PSMB2: variants seen among roughly 807,000 people sequenced by gnomAD.
PSMB2 encodes the protein proteasome 20S subunit beta 2, also known as proteasome subunit beta type-2.
In PSMB2, 13 loss-of-function variants were observed where a neutral mutation model predicts 25.7. The ratio of observed to expected loss-of-function variants is 0.51; its 90% CI spans 0.33 to 0.80. The LOEUF (loss-of-function observed/expected upper bound fraction) is 0.80, where lower values mean the gene tolerates loss of function less well. Ranked by LOEUF, PSMB2 falls within the 30% of genes least tolerant of loss-of-function variation. PSMB2 has a pLI of 0.02. For synonymous variants in PSMB2, 87 were observed against 96.2 expected, an observed-to-expected ratio of 0.90 and a Z score of 0.56; for missense variants, 202 against 259.0, an observed-to-expected ratio of 0.78 and a Z score of 1.51.
chr1:35,609,658 A>T (rs1348727122), intron 3 of PSMB2, among the ~76,000 whole-genome samples: 1 of 152,258 alleles, frequency 6.6e-6, no homozygotes, highest in Non-Finnish European at 1.5e-5. Flanking sequence ...AAAAGCTGCC[A>T]TCTTCTTAAA....
chr1:35,603,545 T>C (rs544404782), intron 5 of PSMB2, among the ~76,000 whole-genome samples, 171 bp from the exon 6 acceptor site: 1 of 152,122 alleles, frequency 6.6e-6, no homozygotes, highest in East Asian at 1.9e-4. Flanking sequence ...TGGTAGAGGG[T>C]ACCCAAACAG....
Position 35,600,804 on chromosome 1 carries a change from AC to A in PSMB2, c.*2462del. On this transcript the variant is annotated 3_prime_UTR_variant, in exon 6 of 6. Coordinates refer to ENST00000373237, the MANE Select transcript of PSMB2 (RefSeq NM_002794.5). ...GGACACTTACATTCAAAGGCAGAGA[AC>A]CGTATGTCATCCCTGGTGAGGCCTG... is the stretch of plus-strand genomic sequence containing the variant. The A allele has an allele frequency of 1.0e-6, 1 of 985,422 alleles. No homozygotes were observed. The allele number at this position is 985,422 out of a possible 1,614,324, so 61.0% of individuals were successfully genotyped here.
In PSMB2 at chr1:35,609,278, G is replaced by C. The variant is rs1283932579; in HGVS notation, c.416C>G (p.Thr139Ser). The change falls in exon 4 of 6, where the codon ACT (threonine) becomes AGT (serine). Residue 139 changes from threonine to serine, a missense_variant. Thr to Ser is a moderately conservative substitution (Grantham distance 58). Transcript: ENST00000373237. Reference sequence around the variant, plus strand: ...GTAGTATCGGTCGAGGATACTGAGAGTCAGGAAGGCACCATAGCCGTGGGC... The same window carrying C: ...GTAGTATCGGTCGAGGATACTGAGACTCAGGAAGGCACCATAGCCGTGGGC... Reference protein sequence around the residue: ...FAAHGYGAFLTLSILDRYYTP... With the variant: ...FAAHGYGAFLSLSILDRYYTP... 6.2e-7 allele frequency: 1 copy of C among 1,609,540 alleles called. No homozygotes were observed. Among genetic ancestry groups the C allele is most frequent in the East Asian group, 2.2e-5 (1 of 44,546 alleles).
chr1:35,600,128 G>A lies in PSMB2; in HGVS notation c.*3139C>T. ...ACTGTACTCCAGCCTAGGTGATGGA[G>A]CAAGACCCTGTCTCTGAAAAACAAC... On this transcript the variant is annotated 3_prime_UTR_variant, in exon 6 of 6. Transcript: ENST00000373237. The A allele has an allele frequency of 1.1e-6, 1 of 952,324 alleles. No individual in the cohort carries two copies. Among genetic ancestry groups the A allele is most frequent in the Non-Finnish European group, 1.3e-6 (1 of 800,000 alleles). 59.0% of individuals were successfully genotyped at this position (952,324 alleles called of 1,614,324 possible).
intron 3 of PSMB2, among the ~76,000 whole-genome samples, chr1:35,629,301 C>T (rs1651013472): frequency 6.6e-6 from 1 of 152,134 alleles, no homozygotes; most frequent in African/African-American, 2.4e-5. Flanking sequence ...TTTATTTAGT[C>T]CCTGTGGGAA....
rs750989646 is a variant in PSMB2 at position 35,609,231 on chromosome 1, A to C, written c.448+15T>G. 3 of 1,545,766 alleles carry C rather than the reference A, an allele frequency of 1.9e-6. No homozygotes were observed. The highest frequency in any genetic ancestry group is 2.5e-5 in the South Asian group (2 of 80,872). The stretch of plus-strand genomic sequence containing the variant: ...GGCTCTGCCACTGCTCCCTCCCTAG[A>C]GTATTAATACTTACTCGGTGTGTAG... On this transcript the variant is annotated intron_variant, in intron 4 of 5. Transcript: ENST00000373237.
chr1:35,631,348 GTA>G lies in PSMB2; in HGVS notation c.215-6_215-5del. ...GCCGTGGGAGACAATTCATATCCTG[GTA>G]GAAGAGATAAAGAGTCATACTTAAA... On this transcript the variant is annotated splice_region_variant and splice_polypyrimidine_tract_variant and intron_variant, in intron 2 of 5. Transcript: ENST00000373237. 6.2e-7 allele frequency: 1 copy of G among 1,613,954 alleles called. No homozygotes were observed. The highest frequency in any genetic ancestry group is 1.1e-5 in the South Asian group (1 of 91,074).
intron 3 of PSMB2, among the ~76,000 whole-genome samples, chr1:35,621,920 C>T (rs1316478643): frequency 6.6e-6 from 1 of 152,004 alleles, no homozygotes; most frequent in Non-Finnish European, 1.5e-5. Context: ...TGCCTGAACC[C>T]AGGAGGCAGA....
At chr1:35,621,549 T>G (rs1405427138) in intron 3 of PSMB2, among the ~76,000 whole-genome samples, 14 of 152,228 alleles carry the variant, frequency 9.2e-5, no homozygotes, top group Admixed American at 9.2e-4. Context: ...CTTTCTTCTT[T>G]CCAATCAGTT....
In PSMB2 at chr1:35,600,558, A is replaced by C. The variant is rs893798341; in HGVS notation, c.*2709T>G. ...GGTTTCTGACTTGGGCACTTGGGAA[A>C]CCAGGTAGCTCTAATTCTCTAAGAC... On this transcript the variant is annotated 3_prime_UTR_variant, in exon 6 of 6. Transcript: ENST00000373237. 4.7e-5 allele frequency: 46 copies of C among 985,282 alleles called. No individual in the cohort carries two copies. The highest frequency in any genetic ancestry group is 5.2e-5 in the African/African-American group (3 of 57,220). 61.0% of individuals were successfully genotyped at this position (985,282 alleles called of 1,614,324 possible).
At chr1:35,634,374 ATTTTTTTG>A (rs1557459195) in intron 2 of PSMB2, among the ~76,000 whole-genome samples, 1 of 151,826 alleles carries the variant, frequency 6.6e-6, no homozygotes, top group East Asian at 2.0e-4. Flanking sequence ...TGAGATTCAG[ATTTTTTTG>A]TTTCTTTGTT....
chr1:35,603,540 G>C (rs1444182789), intron 5 of PSMB2, among the ~76,000 whole-genome samples, 166 bp from the exon 6 acceptor site: 1 of 152,166 alleles, frequency 6.6e-6, no homozygotes, highest in African/African-American at 2.4e-5. Flanking sequence ...TCTAGTGGTA[G>C]AGGGTACCCA....
intron 1 of PSMB2, among the ~76,000 whole-genome samples, 169 bp downstream of exon 1, chr1:35,641,173 A>G (rs952610288): frequency 3.3e-5 from 5 of 152,114 alleles, no homozygotes; most frequent in African/African-American, 1.2e-4. Flanking sequence ...CTGGACAACA[A>G]GAGCGAAACC....
chr1:35,636,660 C>T (rs1198855135), intron 1 of PSMB2, among the ~76,000 whole-genome samples: 2 of 151,800 alleles, frequency 1.3e-5, no homozygotes, highest in Non-Finnish European at 2.9e-5. Flanking sequence ...TCATTATTCC[C>T]TAAACAATAT....
rs536517372 is a variant in PSMB2 at position 35,602,855 on chromosome 1, T to G, written c.*412A>C. On this transcript the variant is annotated 3_prime_UTR_variant, in exon 6 of 6. Transcript: ENST00000373237. ...CTGTTTGCATGTTACATTAAGTGCA[T>G]GTATTATTAATTCAGGTTAATTAAT... The G allele has an allele frequency of 9.1e-5, 80 of 878,448 alleles. No individual in the cohort carries two copies. The highest frequency in any genetic ancestry group is 1.1e-4 in the Non-Finnish European group (77 of 728,752). 54.4% of individuals were successfully genotyped at this position (878,448 alleles called of 1,614,324 possible).
chr1:35,613,196 G>A (rs1429058641), intron 3 of PSMB2, among the ~76,000 whole-genome samples: 1 of 152,206 alleles, frequency 6.6e-6, no homozygotes, highest in East Asian at 1.9e-4. Flanking sequence ...CAATACATCT[G>A]TGCAACAACT....
In PSMB2 at chr1:35,600,127, A is replaced by G. The variant is rs949706340; in HGVS notation, c.*3140T>C. ...CACTGTACTCCAGCCTAGGTGATGG[A>G]GCAAGACCCTGTCTCTGAAAAACAA... On this transcript the variant is annotated 3_prime_UTR_variant, in exon 6 of 6. Coordinates refer to ENST00000373237, the MANE Select transcript of PSMB2 (RefSeq NM_002794.5). The G allele has an allele frequency of 7.4e-6, 7 of 951,088 alleles. No homozygotes were observed. The African/African-American group carries it at 1.1e-4, about 14-fold the overall frequency. The allele number at this position is 951,088 out of a possible 1,614,324, so 58.9% of individuals were successfully genotyped here. A position where few individuals can be genotyped will look rare whatever the true frequency, so the allele number is the denominator to read the frequency against.
chr1:35,636,208 T>C, intron 2 of PSMB2, 102 bp downstream of exon 2: 1 of 1,425,786 alleles, frequency 7.0e-7, no homozygotes. Flanking sequence ...TCTAGAACTG[T>C]GAGAAAATAC....
chr1:35,603,073 GATC>G lies in PSMB2; in HGVS notation c.*191_*193del. On this transcript the variant is annotated 3_prime_UTR_variant, in exon 6 of 6. Coordinates refer to ENST00000373237, the MANE Select transcript of PSMB2 (RefSeq NM_002794.5). ...GAAGAAAAGTCAGACCTGGCAAAAA[GATC>G]ATCTTCCCTCCATATCCTTTCTGAG... 7.4e-7 allele frequency: 1 copy of G among 1,353,324 alleles called. No individual in the cohort carries two copies. The highest frequency in any genetic ancestry group is 9.5e-7 in the Non-Finnish European group (1 of 1,053,704). 83.8% of individuals were successfully genotyped at this position (1,353,324 alleles called of 1,614,324 possible).
Sources: gnomAD v4.1 joint callset for allele counts (sites outside exome capture counted in the v4.1 genomes callset) on GRCh38, gnomAD v4.1.1 for gene constraint, MANE v1.5 for transcripts, NCBI Gene and HGNC (gene_info 2026-07-23, HGNC 2026-07-21) for gene names.